Variants in LTBP1 observed in about 807,000 individuals in gnomAD.
The protein encoded by LTBP1 is latent-transforming growth factor beta-binding protein 1.
LTBP1 carries 129 observed loss-of-function variants against 207.6 expected under a neutral mutation model. The observed-to-expected ratio is 0.62, with a 90% CI of 0.54 to 0.72. LTBP1 has a LOEUF of 0.72. LTBP1 is among the 30% of genes least tolerant of loss of function. LTBP1 has a pLI of 0.00. For missense variants in LTBP1, 2,281 were observed against 2,217.2 expected, an observed-to-expected ratio of 1.03 and a Z score of -0.58; for synonymous variants, 963 against 833.7, an observed-to-expected ratio of 1.16 and a Z score of -2.67.
At chr2:33,166,316 G>T (rs1163729567) in intron 5 of LTBP1, among the ~76,000 whole-genome samples, 1 of 152,090 alleles carries the variant, frequency 6.6e-6, no homozygotes, top group Non-Finnish European at 1.5e-5. Flanking sequence ...AAAGAGAAAC[G>T]GGAGGAATAC....
At chr2:33,307,589 T>C (rs1247829373) in intron 22 of LTBP1, among the ~76,000 whole-genome samples, 1 of 152,208 alleles carries the variant, frequency 6.6e-6, no homozygotes, top group African/African-American at 2.4e-5. Context: ...GTTCCTTGAC[T>C]GGGATGGTGG....
rs1385663025 is a variant in LTBP1 at position 33,001,067 on chromosome 2, C to T, written c.566-19842C>T. 1.5e-5 allele frequency among the ~76,000 whole-genome samples: 2 copies of T among 134,906 alleles called. 1 individual carries two copies. Among genetic ancestry groups the T allele is most frequent in the South Asian group, 5.2e-4 (2 of 3,860 alleles). 88.5% of individuals were successfully genotyped at this position (134,906 alleles called of 152,430 possible). A position where few individuals can be genotyped will look rare whatever the true frequency, so the allele number is the denominator to read the frequency against. On this transcript the variant is annotated intron_variant, in intron 2 of 33. Transcript: ENST00000404816. ...CCTTGTGACCACCTGTCCTTCCTGACACGCTGACCTTTAGTCCCTGAGCTG... is the reference window on the plus strand; with the variant it reads ...CCTTGTGACCACCTGTCCTTCCTGATACGCTGACCTTTAGTCCCTGAGCTG...
chr2:33,161,586 A>G (rs1275170501), intron 5 of LTBP1, among the ~76,000 whole-genome samples: 3 of 152,140 alleles, frequency 2.0e-5, no homozygotes, highest in Non-Finnish European at 2.9e-5. Flanking sequence ...CTTTATAGAG[A>G]CTTTGCTGTT....
intron 2 of LTBP1, among the ~76,000 whole-genome samples, chr2:33,014,953 A>G (rs983079721): frequency 2.7e-5 from 4 of 149,926 alleles, no homozygotes; most frequent in South Asian, 4.3e-4. Flanking sequence ...CTGCAAGCCC[A>G]CTATCTGAGT....
chr2:33,333,250 AG>A (rs1254419639), intron 24 of LTBP1, among the ~76,000 whole-genome samples: 1 of 150,764 alleles, frequency 6.6e-6, no homozygotes, highest in Non-Finnish European at 1.5e-5. Context: ...TTTCTTTCTT[AG>A]TGGTTCAGAA....
chr2:33,273,258 T>C (rs1314728637), intron 15 of LTBP1, among the ~76,000 whole-genome samples: 9 of 152,160 alleles, frequency 5.9e-5, no homozygotes. Flanking sequence ...TATCAATAGA[T>C]AAGAAATCTC....
chr2:33,014,123 A>G (rs1002380494), intron 2 of LTBP1, among the ~76,000 whole-genome samples: 4 of 152,336 alleles, frequency 2.6e-5, no homozygotes, highest in Admixed American at 2.6e-4. Context: ...AGATTTTCAT[A>G]AGGATGAAAG....
At chr2:33,287,609 G>A (rs959891251) in intron 19 of LTBP1, among the ~76,000 whole-genome samples, 4 of 152,222 alleles carry the variant, frequency 2.6e-5, no homozygotes, top group Admixed American at 1.3e-4. Flanking sequence ...TTGGAAAGGT[G>A]AGGTAGGAAG....
chr2:33,237,087 A>G lies in LTBP1; in HGVS notation c.1877-6575A>G, dbSNP rs193258143. Among the ~76,000 whole-genome samples the G allele has an allele frequency of 1.5e-4, 23 of 152,284 alleles. No homozygotes were observed. The East Asian group carries it at 4.2e-3, about 28-fold the overall frequency. ...GGCCTAGATAGAAGCAAATATAATC[A>G]CGAAGAGACTCATACAATAGTCTTT... On this transcript the variant is annotated intron_variant, in intron 9 of 33. Transcript: ENST00000404816.
At chr2:33,372,446 C>T (rs1574058365) in intron 31 of LTBP1, among the ~76,000 whole-genome samples, 1 of 152,142 alleles carries the variant, frequency 6.6e-6, no homozygotes, top group Non-Finnish European at 1.5e-5. Context: ...GCAGGAATAA[C>T]AAAAAACTAT....
At chr2:33,335,696 A>G (rs973123834) in intron 24 of LTBP1, among the ~76,000 whole-genome samples, 8 of 152,060 alleles carry the variant, frequency 5.3e-5, no homozygotes, top group African/African-American at 1.9e-4. Flanking sequence ...TGCCATTTTA[A>G]AATTCTTTTG....
intron 5 of LTBP1, among the ~76,000 whole-genome samples, chr2:33,173,100 A>G (rs181127351): frequency 6.6e-6 from 1 of 152,208 alleles, no homozygotes; most frequent in Non-Finnish European, 1.5e-5. Flanking sequence ...AAGAACTAGA[A>G]AAGCAAGAGC....
chr2:33,387,028 C>T (rs1359467707), intron 31 of LTBP1, among the ~76,000 whole-genome samples: 1 of 151,992 alleles, frequency 6.6e-6, no homozygotes, highest in Non-Finnish European at 1.5e-5. Context: ...CAGGGTTTCA[C>T]CATGTTGGCC....
intron 4 of LTBP1, among the ~76,000 whole-genome samples, chr2:33,112,696 C>T (rs1227808495): frequency 6.6e-6 from 1 of 152,062 alleles, no homozygotes; most frequent in Non-Finnish European, 1.5e-5. Flanking sequence ...ATGAAGGATA[C>T]TGAAATGGCA....
intron 31 of LTBP1, among the ~76,000 whole-genome samples, chr2:33,370,237 TA>T (rs1437752859): frequency 4.6e-5 from 7 of 152,254 alleles, no homozygotes; most frequent in Non-Finnish European, 1.0e-4. Flanking sequence ...CAAATGTAAT[TA>T]AAATCCAAAG....
chr2:33,387,433 A>G (rs1039270545), intron 31 of LTBP1, among the ~76,000 whole-genome samples: 2 of 152,220 alleles, frequency 1.3e-5, no homozygotes, highest in Admixed American at 6.5e-5. Context: ...CCTTAATGAA[A>G]TTAATATTTC....
At chr2:33,217,473 G>T in intron 7 of LTBP1, 79 bp from the exon 8 acceptor site, 2 of 903,514 alleles carry the variant, frequency 2.2e-6, no homozygotes, top group South Asian at 2.7e-5. Flanking sequence ...TTATAGCGTG[G>T]CTGTGAGGGA....
intron 10 of LTBP1, among the ~76,000 whole-genome samples, chr2:33,251,292 C>T (rs888518178): frequency 4.6e-5 from 7 of 152,158 alleles, no homozygotes; most frequent in Admixed American, 3.9e-4. Context: ...TGCATGTGGC[C>T]AGAATCAAAG....
chr2:33,019,921 T>C (rs219194), intron 2 of LTBP1, among the ~76,000 whole-genome samples: 92,887 of 147,394 alleles, frequency 0.63, 32,207 homozygotes, highest in South Asian at 0.78. Flanking sequence ...ACTACGTTGC[T>C]GAGGCTAATC....
Sources: gnomAD v4.1 joint callset for allele counts (sites outside exome capture counted in the v4.1 genomes callset) on GRCh38, gnomAD v4.1.1 for gene constraint, MANE v1.5 for transcripts, NCBI Gene and HGNC (gene_info 2026-07-23, HGNC 2026-07-21) for gene names.